The following DLD variants were observed in gnomAD, a reference collection of about 807,000 sequenced individuals.
DLD encodes dihydrolipoyl dehydrogenase, mitochondrial.
A neutral mutation model predicts 62.2 loss-of-function variants in DLD; 36 were observed. The observed-to-expected ratio is 0.58, with a 90% CI of 0.44 to 0.76. The LOEUF (loss-of-function observed/expected upper bound fraction) is 0.76, where lower values mean the gene tolerates loss of function less well. Among genes scored for constraint, DLD ranks in the 30% least tolerant of loss-of-function variants. The probability of loss-of-function intolerance (pLI) is 0.00; values close to 1 mark genes in which losing one functional copy is unlikely to be tolerated. For synonymous variants in DLD, 204 were observed against 199.6 expected, an observed-to-expected ratio of 1.02 and a Z score of -0.19; for missense variants, 541 against 608.6, an observed-to-expected ratio of 0.89 and a Z score of 1.17.
intron 8 of DLD, among the ~76,000 whole-genome samples, chr7:107,911,535 T>C (rs888182705): frequency 6.6e-6 from 1 of 152,118 alleles, no homozygotes; most frequent in Non-Finnish European, 1.5e-5. Flanking sequence ...ATGGTAATTA[T>C]TTTAACTTCT....
intron 10 of DLD, among the ~76,000 whole-genome samples, 153 bp from the exon 11 acceptor site, chr7:107,917,120 A>G (rs1235690399): frequency 1.3e-5 from 2 of 152,252 alleles, no homozygotes; most frequent in Non-Finnish European, 2.9e-5. Flanking sequence ...AATTTTACTC[A>G]AAGATAAGCT....
chr7:107,896,182 A>G (rs1414199048), intron 2 of DLD, among the ~76,000 whole-genome samples: 1 of 152,226 alleles, frequency 6.6e-6, no homozygotes, highest in Non-Finnish European at 1.5e-5. Context: ...CTGGAGAACC[A>G]ACAGAGCGTA....
At chr7:107,894,527 A>G (rs561994723) in intron 2 of DLD, among the ~76,000 whole-genome samples, 3 of 152,344 alleles carry the variant, frequency 2.0e-5, no homozygotes, top group African/African-American at 7.2e-5. Context: ...ATGAAGGGAA[A>G]AGTTGGACCT....
chr7:107,915,648 C>G lies in DLD; in HGVS notation c.827C>G (p.Thr276Arg). Residue 276 changes from threonine (T) to arginine (R), a missense_variant, in exon 9 of 14, where the codon ACA becomes AGA. By Grantham distance (71) the Thr-to-Arg change is moderately conservative. Transcript: ENST00000205402. ...QKQGFKFKLN[T>R]KVTGATKKSD... ...CAGGGGTTTAAATTTAAATTGAATACAAAGGTTACTGGTGCTACCAAGAAG... is the reference window on the plus strand; with the variant it reads ...CAGGGGTTTAAATTTAAATTGAATAGAAAGGTTACTGGTGCTACCAAGAAG... 6.2e-7 allele frequency: 1 copy of G among 1,613,628 alleles called. No homozygotes were observed. The highest frequency in any genetic ancestry group is 8.5e-7 in the Non-Finnish European group (1 of 1,179,802).
In DLD at chr7:107,921,026, C is replaced by T. The variant is rs78569502; in HGVS notation, c.*1767C>T. 7.2e-4 allele frequency: 109 copies of T among 152,342 alleles called. No individual in the cohort carries two copies. Among genetic ancestry groups the T allele is most frequent in the African/African-American group, 2.6e-3 (108 of 41,502 alleles). 9.4% of individuals were successfully genotyped at this position (152,342 alleles called of 1,614,324 possible). A position where few individuals can be genotyped will look rare whatever the true frequency, so the allele number is the denominator to read the frequency against. Reference sequence around the variant, plus strand: ...GCTGTTTATGTAAATCTCAACATATCCCTTACTCAGGGAAAAAAAAGTTTT... The same window carrying T: ...GCTGTTTATGTAAATCTCAACATATTCCTTACTCAGGGAAAAAAAAGTTTT... On this transcript the variant is annotated 3_prime_UTR_variant, in exon 14 of 14. Coordinates refer to ENST00000205402, the MANE Select transcript of DLD (RefSeq NM_000108.5).
chr7:107,916,807 T>C lies in DLD; in HGVS notation c.889T>C (p.Ser297Pro). ...GKIDVSIEAA[S>P]GGKAEVITCD... Reference sequence around the variant, plus strand: ...TTTGTTATCTAGTATTGAAGCTGCTTCTGGTGGTAAAGCTGAAGTTATCAC... The same window carrying C: ...TTTGTTATCTAGTATTGAAGCTGCTCCTGGTGGTAAAGCTGAAGTTATCAC... Residue 297 changes from serine (S) to proline (P), a missense_variant, in exon 10 of 14, where the codon TCT becomes CCT. Physicochemically the swap from Ser to Pro is moderately conservative, Grantham distance 74 (BLOSUM62 -1). Transcript: ENST00000205402. 1 of 1,613,394 alleles carries C rather than the reference T, an allele frequency of 6.2e-7. No homozygotes were observed. The highest frequency in any genetic ancestry group is 8.5e-7 in the Non-Finnish European group (1 of 1,179,914).
intron 3 of DLD, among the ~76,000 whole-genome samples, chr7:107,902,032 C>A (rs1178259429): frequency 1.3e-5 from 2 of 152,148 alleles, no homozygotes; most frequent in Non-Finnish European, 2.9e-5. Flanking sequence ...CTTCCCAGTA[C>A]TTTTCATTTT....
At chr7:107,898,084 G>A (rs1584459318) in intron 2 of DLD, among the ~76,000 whole-genome samples, 1 of 151,532 alleles carries the variant, frequency 6.6e-6, no homozygotes, top group African/African-American at 2.4e-5. Flanking sequence ...ACCTCTTATT[G>A]TACTCCAGTA....
Position 107,920,670 on chromosome 7 carries a change from C to G in DLD, c.*1411C>G, listed in dbSNP as rs2032389401. 1 of 152,192 alleles carries G rather than the reference C, an allele frequency of 6.6e-6. No individual in the cohort carries two copies. Among genetic ancestry groups the G allele is most frequent in the African/African-American group, 2.4e-5 (1 of 41,430 alleles). The allele number at this position is 152,192 out of a possible 1,614,324, so 9.4% of individuals were successfully genotyped here. On this transcript the variant is annotated 3_prime_UTR_variant, in exon 14 of 14. Transcript: ENST00000205402. ...TGCCTCCTGTTTTTTGGGGGTTTCC[C>G]CTTTATGTTCCAGCTGTTGTGGTTG...
intron 8 of DLD, among the ~76,000 whole-genome samples, chr7:107,913,756 TC>T (rs2032199098): frequency 6.6e-6 from 1 of 152,174 alleles, no homozygotes; most frequent in Admixed American, 6.5e-5. Context: ...GGCCAGGACT[TC>T]CAGTACTATG....
chr7:107,916,983 T>G lies in DLD; in HGVS notation c.1046+19T>G. The G allele has an allele frequency of 6.2e-7, 1 of 1,611,254 alleles. No individual in the cohort carries two copies. The highest frequency in any genetic ancestry group is 8.5e-7 in the Non-Finnish European group (1 of 1,177,584). On this transcript the variant is annotated intron_variant, in intron 10 of 13. Coordinates refer to ENST00000205402, the MANE Select transcript of DLD (RefSeq NM_000108.5). ...TTCCAAAGTAAGTTGGATAATTGTC[T>G]GCATTTTCAGTAATTTTAAAATTGA...
upstream of DLD, chr7:107,891,164 A>C: frequency 4.9e-5 from 71 of 1,452,416 alleles, no homozygotes; most frequent in Non-Finnish European, 5.9e-5. Context: ...GCGCCTGTGC[A>C]TGCGCAGGGA....
chr7:107,918,103 G>T (rs2116274778), intron 12 of DLD, 42 bp downstream of exon 12: 1 of 1,610,404 alleles, frequency 6.2e-7, no homozygotes, highest in Non-Finnish European at 8.5e-7. Flanking sequence ...AAGATTTCTA[G>T]AAAGCATTGC....
intron 8 of DLD, among the ~76,000 whole-genome samples, chr7:107,911,803 CCAT>C (rs2032150137): frequency 6.6e-6 from 1 of 151,770 alleles, no homozygotes; most frequent in South Asian, 2.1e-4. Flanking sequence ...ATTAGGCTAT[CCAT>C]CACCTCGAAC....
At chr7:107,904,381 A>G (rs1456721875) in intron 5 of DLD, among the ~76,000 whole-genome samples, 3 of 152,118 alleles carry the variant, frequency 2.0e-5, no homozygotes, top group Non-Finnish European at 2.9e-5. Flanking sequence ...TATCTCTAAT[A>G]TATGTGTTGG....
intron 2 of DLD, among the ~76,000 whole-genome samples, chr7:107,900,535 A>G (rs1323774969): frequency 6.6e-6 from 1 of 152,072 alleles, no homozygotes; most frequent in Admixed American, 6.5e-5. Flanking sequence ...CTAAGGTCAC[A>G]TAGGTAGTGA....
chr7:107,905,009 C>T lies in DLD; in HGVS notation c.389C>T (p.Ala130Val), dbSNP rs541087836. 2 of 1,613,206 alleles carry T rather than the reference C, an allele frequency of 1.2e-6. No individual in the cohort carries two copies. Among genetic ancestry groups the T allele is most frequent in the South Asian group, 1.1e-5 (1 of 91,062 alleles). The change falls in exon 6 of 14, where the codon GCA (alanine) becomes GTA (valine). Residue 130 changes from alanine to valine, a missense_variant. By Grantham distance (64) the Ala-to-Val change is moderately conservative. Coordinates refer to ENST00000205402, the MANE Select transcript of DLD (RefSeq NM_000108.5). ...LDKMMEQKST[A>V]VKALTGGIAH... Reference sequence around the variant, plus strand: ...AAGATGATGGAGCAGAAGAGTACTGCAGTAAAAGCTTTAACAGGTGGAATT... The same window carrying T: ...AAGATGATGGAGCAGAAGAGTACTGTAGTAAAAGCTTTAACAGGTGGAATT...
chr7:107,892,398 A>G (rs1269077723), intron 1 of DLD, among the ~76,000 whole-genome samples: 2 of 152,202 alleles, frequency 1.3e-5, no homozygotes, highest in African/African-American at 4.8e-5. Context: ...ATGTCTCAGG[A>G]ACATCTTCAT....
At chr7:107,897,412 T>C (rs2031753661) in intron 2 of DLD, among the ~76,000 whole-genome samples, 1 of 152,140 alleles carries the variant, frequency 6.6e-6, no homozygotes, top group African/African-American at 2.4e-5. Context: ...TGTAGCCTTA[T>C]GCAAATTATT....
Sources: gnomAD v4.1 joint callset for allele counts (sites outside exome capture counted in the v4.1 genomes callset) on GRCh38, gnomAD v4.1.1 for gene constraint, MANE v1.5 for transcripts, NCBI Gene and HGNC (gene_info 2026-07-23, HGNC 2026-07-21) for gene names.